SPIDR: variants seen among roughly 807,000 people sequenced by gnomAD.
SPIDR encodes scaffold protein involved in DNA repair, also known as DNA repair-scaffolding protein.
Under a neutral mutation model 104.6 loss-of-function variants are expected in SPIDR, and 93 were observed. That is an observed-to-expected ratio of 0.89 (90% CI 0.75 to 1.06). The LOEUF is 1.06. SPIDR is among the 50% of genes least tolerant of loss of function. SPIDR has a pLI of 0.00. For synonymous variants in SPIDR, 431 were observed against 416.9 expected (o/e 1.03, Z -0.41); for missense variants, 1,154 against 1,111.2 (o/e 1.04, Z -0.55).
chr8:47,501,092 G>T (rs1382065884), intron 8 of SPIDR, among the ~76,000 whole-genome samples: 1 of 152,162 alleles, frequency 6.6e-6, no homozygotes, highest in Non-Finnish European at 1.5e-5. Flanking sequence ...TTCCAGCTTT[G>T]TTCTTTTGGC....
At chr8:47,501,228 T>C in intron 8 of SPIDR, among the ~76,000 whole-genome samples, 1 of 152,252 alleles carries the variant, frequency 6.6e-6, no homozygotes, top group East Asian at 1.9e-4. Context: ...ATAAATTACC[T>C]TGGGCATCAT....
chr8:47,551,130 G>T (rs368522950), intron 8 of SPIDR, among the ~76,000 whole-genome samples: 1 of 152,130 alleles, frequency 6.6e-6, no homozygotes, highest in Non-Finnish European at 1.5e-5. Flanking sequence ...CAACTTGCTC[G>T]TGGTGGATAA....
At chr8:47,707,612 A>C (rs1473889762) in intron 14 of SPIDR, among the ~76,000 whole-genome samples, 1 of 152,166 alleles carries the variant, frequency 6.6e-6, no homozygotes, top group East Asian at 1.9e-4. Flanking sequence ...GATTTACCAG[A>C]TTTTTCTCTT....
intron 8 of SPIDR, among the ~76,000 whole-genome samples, chr8:47,502,441 T>G (rs982219807): frequency 2.6e-5 from 4 of 152,150 alleles, no homozygotes; most frequent in African/African-American, 9.7e-5. Flanking sequence ...GGTGTTTATA[T>G]TATTCTCTGA....
chr8:47,399,153 G>C (rs2061566839), intron 6 of SPIDR, among the ~76,000 whole-genome samples: 1 of 152,238 alleles, frequency 6.6e-6, no homozygotes, highest in Non-Finnish European at 1.5e-5. Flanking sequence ...ATTTCATCAT[G>C]TTTGTATGTT....
At chr8:47,551,216 T>C (rs1157391842) in intron 8 of SPIDR, among the ~76,000 whole-genome samples, 1 of 152,246 alleles carries the variant, frequency 6.6e-6, no homozygotes, top group Non-Finnish European at 1.5e-5. Flanking sequence ...ATCAGGGATA[T>C]TGGTCTAAAA....
chr8:47,320,232 T>C (rs1174949579), intron 5 of SPIDR, among the ~76,000 whole-genome samples: 1 of 151,618 alleles, frequency 6.6e-6, no homozygotes, highest in Non-Finnish European at 1.5e-5. Flanking sequence ...GAGAGAAGAA[T>C]CAAATAGATG....
intron 10 of SPIDR, among the ~76,000 whole-genome samples, chr8:47,610,889 A>G (rs1483827843): frequency 2.0e-5 from 3 of 152,262 alleles, no homozygotes; most frequent in East Asian, 1.9e-4. Flanking sequence ...ACAACCAGGT[A>G]TTAAACATTG....
intron 5 of SPIDR, chr8:47,361,076 G>T: frequency 1.3e-6 from 1 of 766,878 alleles, no homozygotes; most frequent in Non-Finnish European, 1.6e-6. Flanking sequence ...CATGACCACA[G>T]TTACTTAAAA....
At position 47,673,692 on chromosome 8, in the gene SPIDR, A is replaced by G. The variant is rs562081198; in HGVS notation, c.1545-109A>G. On this transcript the variant is annotated intron_variant, in intron 10 of 19. Transcript: ENST00000297423. ...TCTTTACTTTCTTTAAATTATATTG[A>G]CCAGTCACAGCAGTATATAGTGGCT... 9.1e-5 allele frequency: 125 copies of G among 1,377,890 alleles called. 1 individual carries two copies. The East Asian group carries it at 2.8e-3, about 31-fold the overall frequency. The allele number at this position is 1,377,890 out of a possible 1,614,324, so 85.4% of individuals were successfully genotyped here.
chr8:47,532,330 A>G (rs929638573), intron 8 of SPIDR, among the ~76,000 whole-genome samples: 1 of 152,064 alleles, frequency 6.6e-6, no homozygotes. Context: ...TGGCCTCCCA[A>G]AGTGCTGGGA....
chr8:47,660,561 T>C (rs1418923158), intron 10 of SPIDR: 1 of 979,016 alleles, frequency 1.0e-6, no homozygotes, highest in Non-Finnish European at 1.2e-6. Flanking sequence ...TTCTGACTGC[T>C]GCCTTGTTTT....
chr8:47,625,571 C>G (rs1588531375), intron 10 of SPIDR, among the ~76,000 whole-genome samples: 1 of 152,052 alleles, frequency 6.6e-6, no homozygotes, highest in Non-Finnish European at 1.5e-5. Flanking sequence ...GCAAAAATCA[C>G]AAGCATTCTT....
intron 5 of SPIDR, among the ~76,000 whole-genome samples, chr8:47,318,892 G>A (rs1778260724): frequency 6.8e-6 from 1 of 147,494 alleles, no homozygotes; most frequent in Admixed American, 6.9e-5. Flanking sequence ...ATAAGCAAAT[G>A]CTGAGAGATT....
chr8:47,328,224 A>G (rs183707002), intron 5 of SPIDR, among the ~76,000 whole-genome samples: 1 of 151,492 alleles, frequency 6.6e-6, no homozygotes, highest in African/African-American at 2.4e-5. Flanking sequence ...ATTTTGAATT[A>G]ATTTTTGTGT....
At chr8:47,599,263 G>A (rs558942188) in intron 10 of SPIDR, 67 bp downstream of exon 10, 2 of 1,575,914 alleles carry the variant, frequency 1.3e-6, no homozygotes, top group Admixed American at 3.5e-5. Flanking sequence ...TCTAGAAAGT[G>A]GAGCCTCTTC....
chr8:47,511,540 C>T (rs962140627), intron 8 of SPIDR: 1 of 782,164 alleles, frequency 1.3e-6, no homozygotes, highest in Non-Finnish European at 2.4e-6. Flanking sequence ...GGATGGGTCT[C>T]AGTAGCTTCT....
intron 10 of SPIDR, among the ~76,000 whole-genome samples, chr8:47,599,703 C>T (rs978613595): frequency 1.4e-4 from 21 of 152,178 alleles, no homozygotes; most frequent in Non-Finnish European, 1.9e-4. Context: ...TAAGTGCAGA[C>T]AAATGTAGTA....
intron 11 of SPIDR, among the ~76,000 whole-genome samples, chr8:47,694,400 G>T (rs1359575883): frequency 6.6e-6 from 1 of 152,132 alleles, no homozygotes; most frequent in Non-Finnish European, 1.5e-5. Flanking sequence ...AAGGGAGACA[G>T]ACTGAGAGAG....
Sources: gnomAD v4.1 joint callset for allele counts (sites outside exome capture counted in the v4.1 genomes callset) on GRCh38, gnomAD v4.1.1 for gene constraint, MANE v1.5 for transcripts, NCBI Gene and HGNC (gene_info 2026-07-23, HGNC 2026-07-21) for gene names.